Variants in LRRC4C observed in about 807,000 individuals in gnomAD.
LRRC4C encodes leucine rich repeat containing 4C.
LRRC4C carries 5 observed loss-of-function variants against 33.6 expected under a neutral mutation model. The ratio of observed to expected loss-of-function variants is 0.15; its 90% CI spans 0.08 to 0.31. LRRC4C has a LOEUF of 0.31. Among genes scored for constraint, LRRC4C ranks in the 10% least tolerant of loss-of-function variants. The pLI is 1.00. For missense variants in LRRC4C, 560 were observed against 796.7 expected (o/e 0.70, Z 3.58); for synonymous variants, 329 against 302.0 (o/e 1.09, Z -0.93).
At chr11:41,372,795 A>G (rs1389861782) in intron 1 of LRRC4C, among the ~76,000 whole-genome samples, 1 of 151,974 alleles carries the variant, frequency 6.6e-6, no homozygotes, top group East Asian at 1.9e-4. Flanking sequence ...CAAAAAAAAA[A>G]AAAAAAAAGA....
chr11:41,359,122 A>G (rs1952259537), intron 1 of LRRC4C, among the ~76,000 whole-genome samples: 1 of 151,768 alleles, frequency 6.6e-6, no homozygotes, highest in African/African-American at 2.4e-5. Flanking sequence ...CAACTACATG[A>G]CATTCTGAAA....
intron 3 of LRRC4C, among the ~76,000 whole-genome samples, chr11:40,537,727 G>C (rs1323310764): frequency 6.6e-6 from 1 of 151,674 alleles, no homozygotes; most frequent in Non-Finnish European, 1.5e-5. Flanking sequence ...AAAAACCCAT[G>C]ATATATATAT....
At chr11:40,126,873 T>C (rs1224306347) in intron 6 of LRRC4C, among the ~76,000 whole-genome samples, 1 of 151,556 alleles carries the variant, frequency 6.6e-6, no homozygotes, top group Non-Finnish European at 1.5e-5. Context: ...GGCAGGAGAA[T>C]AGCTTGAACC....
At chr11:40,149,493 T>C in intron 5 of LRRC4C, among the ~76,000 whole-genome samples, 1 of 152,158 alleles carries the variant, frequency 6.6e-6, no homozygotes, top group East Asian at 1.9e-4. Context: ...GCTTGACTGT[T>C]GTTGGTGTAT....
chr11:41,042,812 A>C (rs1565328749), intron 1 of LRRC4C, among the ~76,000 whole-genome samples: 1 of 152,110 alleles, frequency 6.6e-6, no homozygotes, highest in African/African-American at 2.4e-5. Flanking sequence ...TAAAAACCTC[A>C]GACAATTACA....
At chr11:40,661,867 C>G (rs1315274025) in intron 2 of LRRC4C, among the ~76,000 whole-genome samples, 1 of 152,130 alleles carries the variant, frequency 6.6e-6, no homozygotes, top group Non-Finnish European at 1.5e-5. Flanking sequence ...ACACAAACCC[C>G]CAACTCTAAA....
intron 3 of LRRC4C, among the ~76,000 whole-genome samples, chr11:40,396,492 C>T (rs976147628): frequency 6.6e-6 from 1 of 152,048 alleles, no homozygotes; most frequent in Non-Finnish European, 1.5e-5. Context: ...CATGTAATTA[C>T]TCAAACTGAA....
At chr11:40,152,638 G>T (rs1333467533) in intron 5 of LRRC4C, among the ~76,000 whole-genome samples, 1 of 152,118 alleles carries the variant, frequency 6.6e-6, no homozygotes, top group Non-Finnish European at 1.5e-5. Flanking sequence ...CAGTTTGTGT[G>T]GGAGCTGGGT....
chr11:40,952,037 T>A (rs572746355), intron 1 of LRRC4C, among the ~76,000 whole-genome samples: 6 of 152,118 alleles, frequency 3.9e-5, no homozygotes, highest in Non-Finnish European at 7.4e-5. Context: ...ATTAGATTTT[T>A]TTTTTACCAC....
intron 1 of LRRC4C, among the ~76,000 whole-genome samples, chr11:41,371,891 T>A (rs1952760603): frequency 6.6e-6 from 1 of 152,206 alleles, no homozygotes; most frequent in African/African-American, 2.4e-5. Flanking sequence ...ATCCCAGCAC[T>A]CTGGGAGGCC....
intron 1 of LRRC4C, among the ~76,000 whole-genome samples, chr11:41,245,868 T>G (rs188808871): frequency 1.3e-5 from 2 of 152,214 alleles, no homozygotes. Flanking sequence ...GCAGCTCCTC[T>G]GCAGGCAGGT....
At chr11:40,225,563 A>AT (rs1864727422) in intron 5 of LRRC4C, among the ~76,000 whole-genome samples, 1 of 151,654 alleles carries the variant, frequency 6.6e-6, no homozygotes. Flanking sequence ...TCATCTCTGG[A>AT]GGATTGCTTT....
At chr11:41,247,457 C>T (rs1948490602) in intron 1 of LRRC4C, among the ~76,000 whole-genome samples, 1 of 152,092 alleles carries the variant, frequency 6.6e-6, no homozygotes, top group South Asian at 2.1e-4. Flanking sequence ...TTTTATAGTC[C>T]AAGCCCAGTA....
intron 3 of LRRC4C, among the ~76,000 whole-genome samples, chr11:40,370,703 T>C (rs1948412495): frequency 6.6e-6 from 1 of 152,164 alleles, no homozygotes; most frequent in African/African-American, 2.4e-5. Context: ...GCAAATGTTT[T>C]AGTAAAACAT....
At chr11:40,965,865 T>C (rs1048820924) in intron 1 of LRRC4C, among the ~76,000 whole-genome samples, 1 of 152,078 alleles carries the variant, frequency 6.6e-6, no homozygotes, top group Admixed American at 6.6e-5. Flanking sequence ...CTTTTTTGGT[T>C]CCATATGAAT....
rs1004999159 is a variant in LRRC4C, at chr11:41,084,824, G to C, written c.-495-151101C>G. On this transcript the variant is annotated intron_variant, in intron 1 of 6. Transcript: ENST00000528697. Reference sequence around the variant, plus strand: ...AGATCACGCCACTACACTCCAGCCCGGGTGAAAGAGTGAGACTCTGTCTAA... The same window carrying C: ...AGATCACGCCACTACACTCCAGCCCCGGTGAAAGAGTGAGACTCTGTCTAA... 3.9e-5 allele frequency among the ~76,000 whole-genome samples: 6 copies of C among 152,112 alleles called. No individual in the cohort carries two copies. In the East Asian group the frequency reaches 1.2e-3, roughly 29 times the overall value.
chr11:41,109,789 C>G (rs1941723077), intron 1 of LRRC4C, among the ~76,000 whole-genome samples: 1 of 152,056 alleles, frequency 6.6e-6, no homozygotes, highest in South Asian at 2.1e-4. Flanking sequence ...CATTGAAATT[C>G]TTCTTCTAGA....
chr11:40,525,668 T>A (rs887667030), intron 3 of LRRC4C, among the ~76,000 whole-genome samples: 3 of 149,948 alleles, frequency 2.0e-5, no homozygotes, highest in African/African-American at 7.3e-5. Flanking sequence ...TAGGAAATAA[T>A]TTCTCTTTAA....
chr11:41,437,415 G>T (rs988504222), intron 1 of LRRC4C, among the ~76,000 whole-genome samples: 16 of 133,594 alleles, frequency 1.2e-4, no homozygotes, highest in African/African-American at 4.1e-4. Flanking sequence ...ACACAAACGC[G>T]CGCGCGCGCG....
Sources: allele counts gnomAD v4.1 joint callset (sites outside exome capture counted in the v4.1 genomes callset), GRCh38; gene constraint gnomAD v4.1.1; transcripts MANE v1.5; gene names NCBI Gene and HGNC (gene_info 2026-07-23, HGNC 2026-07-21).